The following TAF3 variants were observed in gnomAD, a reference collection of about 807,000 sequenced individuals.
TAF3 encodes the protein TATA-box binding protein associated factor 3.
TAF3 carries 7 observed loss-of-function variants against 80.6 expected under a neutral mutation model. The observed-to-expected ratio is 0.09, with a 90% CI of 0.05 to 0.16. TAF3 has a LOEUF of 0.16. Ranked by LOEUF, TAF3 falls within the 10% of genes least tolerant of loss-of-function variation. The pLI is 1.00. For missense variants in TAF3, 921 were observed against 1,140.2 expected (o/e 0.81, Z 2.77); for synonymous variants, 444 against 446.1 (o/e 1.00, Z 0.06).
chr10:7,850,097 T>G (rs182084408), intron 2 of TAF3, among the ~76,000 whole-genome samples: 1 of 152,246 alleles, frequency 6.6e-6, no homozygotes, highest in Non-Finnish European at 1.5e-5. Context: ...TATTTCCTGA[T>G]AAGTCCTCTC....
intron 2 of TAF3, among the ~76,000 whole-genome samples, chr10:7,881,317 G>A (rs1385769654): frequency 6.6e-6 from 1 of 151,046 alleles, no homozygotes; most frequent in East Asian, 1.9e-4. Flanking sequence ...ATACTTTACT[G>A]TATCTTGAGA....
chr10:7,832,272 A>G (rs1379607160), intron 2 of TAF3, among the ~76,000 whole-genome samples: 1 of 152,120 alleles, frequency 6.6e-6, no homozygotes, highest in Non-Finnish European at 1.5e-5. Context: ...TTTCGTCCAC[A>G]TATAAGTGAG....
intron 2 of TAF3, among the ~76,000 whole-genome samples, chr10:7,912,155 G>C (rs1056502799): frequency 1.3e-5 from 2 of 152,098 alleles, no homozygotes; most frequent in African/African-American, 4.8e-5. Flanking sequence ...GTTGAAATGG[G>C]AAAATAAAAG....
At chr10:7,937,433 T>C (rs1342415103) in intron 2 of TAF3, among the ~76,000 whole-genome samples, 3 of 152,234 alleles carry the variant, frequency 2.0e-5, no homozygotes, top group African/African-American at 7.2e-5. Flanking sequence ...TAATAACATA[T>C]AATGTGGAAC....
chr10:7,844,564 G>A (rs1270506400), intron 2 of TAF3, among the ~76,000 whole-genome samples: 10 of 152,000 alleles, frequency 6.6e-5, no homozygotes. Flanking sequence ...TTTTAGTAGA[G>A]ATGGGGTTTC....
intron 3 of TAF3, among the ~76,000 whole-genome samples, chr10:7,971,445 A>G (rs1348530785): frequency 1.5e-5 from 2 of 132,510 alleles, no homozygotes; most frequent in South Asian, 2.5e-4. Context: ...TAGTATACAT[A>G]TATGGTGTTT....
rs11255436 is a variant in TAF3 at position 7,910,572 on chromosome 10, G to A, written c.410-53348G>A. Reference sequence around the variant, plus strand: ...ATATTTGTATTTTTAGTAGAGGCAGGGTTTCACCATGTTGGCCAGGCTGGT... The same window carrying A: ...ATATTTGTATTTTTAGTAGAGGCAGAGTTTCACCATGTTGGCCAGGCTGGT... On this transcript the variant is annotated intron_variant, in intron 2 of 6. Coordinates refer to ENST00000344293, the MANE Select transcript of TAF3 (RefSeq NM_031923.4). Among the ~76,000 whole-genome samples, 78 of 152,152 alleles carry A rather than the reference G, an allele frequency of 5.1e-4. 1 individual carries two copies. The East Asian group carries it at 0.014, about 28-fold the overall frequency.
At position 7,863,626 on chromosome 10, in the gene TAF3, A is replaced by ATATATATATAT. The variant is rs1554778359; in HGVS notation, c.409+39066_409+39067insTATATATATAT. 1.5e-4 allele frequency among the ~76,000 whole-genome samples: 7 copies of ATATATATATAT among 48,098 alleles called. 1 individual carries two copies. Among genetic ancestry groups the ATATATATATAT allele is most frequent in the Admixed American group, 3.1e-4 (1 of 3,266 alleles). The allele number at this position is 48,098 out of a possible 152,430, so 31.6% of individuals were successfully genotyped here. On this transcript the variant is annotated intron_variant, in intron 2 of 6. Transcript: ENST00000344293. ...CTCTGTCTAAAAAAAAAAAAAAAAA[A>ATATATATATAT]ATATATATATATATATATATACACA...
At chr10:7,974,136 ACACACAC>A in intron 3 of TAF3, among the ~76,000 whole-genome samples, 2 of 9,760 alleles carry the variant, frequency 2.0e-4, no homozygotes, top group South Asian at 4.3e-3. Context: ...TGAAACATAC[ACACACAC>A]ACACACACAC....
At chr10:7,841,457 A>T (rs1272533) in intron 2 of TAF3, among the ~76,000 whole-genome samples, 79 of 152,340 alleles carry the variant, frequency 5.2e-4, no homozygotes, top group African/African-American at 1.9e-3. Flanking sequence ...AGGAAAACAG[A>T]GTGCTCCAGT....
At chr10:7,911,794 A>G (rs935041417) in intron 2 of TAF3, among the ~76,000 whole-genome samples, 1 of 152,232 alleles carries the variant, frequency 6.6e-6, no homozygotes, top group Non-Finnish European at 1.5e-5. Flanking sequence ...ATTTGGGAAC[A>G]TTGAGCTTCC....
chr10:7,948,676 A>G (rs1012750082), intron 2 of TAF3, among the ~76,000 whole-genome samples: 1 of 152,210 alleles, frequency 6.6e-6, no homozygotes, highest in Non-Finnish European at 1.5e-5. Flanking sequence ...AAATAGGAAG[A>G]TGTTTGGAGT....
At chr10:7,909,127 C>T (rs1314768735) in intron 2 of TAF3, among the ~76,000 whole-genome samples, 3 of 152,208 alleles carry the variant, frequency 2.0e-5, no homozygotes, top group East Asian at 3.8e-4. Context: ...TGTGTTTGGT[C>T]GTCTAGACCA....
At position 7,863,620 on chromosome 10, in the gene TAF3, A is replaced by T. The variant is rs1376703956; in HGVS notation, c.409+39060A>T. On this transcript the variant is annotated intron_variant, in intron 2 of 6. Transcript: ENST00000344293. ...GCAAAACTCTGTCTAAAAAAAAAAAAAAAAAAATATATATATATATATATA... is the reference window on the plus strand; with the variant it reads ...GCAAAACTCTGTCTAAAAAAAAAAATAAAAAAATATATATATATATATATA... Among the ~76,000 whole-genome samples the T allele has an allele frequency of 6.5e-3, 457 of 70,432 alleles. 28 individuals carry two copies. The highest frequency in any genetic ancestry group is 0.022 in the African/African-American group (435 of 19,454). The allele number at this position is 70,432 out of a possible 152,430, so 46.2% of individuals were successfully genotyped here. A position where few individuals can be genotyped will look rare whatever the true frequency, so the allele number is the denominator to read the frequency against.
At chr10:7,889,637 T>C (rs551418902) in intron 2 of TAF3, among the ~76,000 whole-genome samples, 3 of 152,216 alleles carry the variant, frequency 2.0e-5, no homozygotes, top group Non-Finnish European at 4.4e-5. Flanking sequence ...TCATATTCAG[T>C]GGCTTACTGG....
intron 2 of TAF3, among the ~76,000 whole-genome samples, chr10:7,829,741 T>G (rs1442551224): frequency 2.0e-5 from 3 of 152,164 alleles, no homozygotes; most frequent in Non-Finnish European, 4.4e-5. Flanking sequence ...AAGTTTCTCT[T>G]CTATCCCCTC....
chr10:7,868,967 A>G (rs1160973787), intron 2 of TAF3, among the ~76,000 whole-genome samples: 1 of 152,170 alleles, frequency 6.6e-6, no homozygotes. Flanking sequence ...GCTTTTAATC[A>G]TAACTCCATA....
chr10:7,820,645 C>T (rs1267244622), intron 1 of TAF3, among the ~76,000 whole-genome samples: 1 of 152,176 alleles, frequency 6.6e-6, no homozygotes, highest in Non-Finnish European at 1.5e-5. Flanking sequence ...CAGGGATACG[C>T]CACCATGCCT....
rs1371489034 is a variant in TAF3 at position 7,827,794 on chromosome 10, A to AAT, written c.409+3235_409+3236insTA. On this transcript the variant is annotated intron_variant, in intron 2 of 6. Transcript: ENST00000344293. Reference sequence around the variant, plus strand: ...GACTCTGTCTCAAAAAAAAAAAAAAAAACAAAAACAAAAACTTAGCTGGGC... The same window carrying AAT: ...GACTCTGTCTCAAAAAAAAAAAAAAAATAACAAAAACAAAAACTTAGCTGGGC... Among the ~76,000 whole-genome samples the AAT allele has an allele frequency of 2.0e-5, 3 of 151,264 alleles. No homozygotes were observed. In the East Asian group the frequency reaches 5.8e-4, roughly 29 times the overall value.
Sources: gnomAD v4.1 joint callset for allele counts (sites outside exome capture counted in the v4.1 genomes callset) on GRCh38, gnomAD v4.1.1 for gene constraint, MANE v1.5 for transcripts, NCBI Gene and HGNC (gene_info 2026-07-23, HGNC 2026-07-21) for gene names.